The following FOXP1 variants were observed in gnomAD, a reference collection of about 807,000 sequenced individuals.
The protein encoded by FOXP1 is forkhead box P1.
Under a neutral mutation model 98.2 loss-of-function variants are expected in FOXP1, and 15 were observed. The observed-to-expected ratio is 0.15, with a 90% CI of 0.10 to 0.24. The LOEUF is 0.24. Among genes scored for constraint, FOXP1 ranks in the 10% least tolerant of loss-of-function variants. FOXP1 has a pLI of 1.00. For synonymous variants in FOXP1, 371 were observed against 314.5 expected (o/e 1.18, Z -1.90); for missense variants, 633 against 848.5 (o/e 0.75, Z 3.15).
chr3:71,546,723 A>G (rs529570952), intron 2 of FOXP1, among the ~76,000 whole-genome samples: 1 of 152,114 alleles, frequency 6.6e-6, no homozygotes, highest in East Asian at 1.9e-4. Flanking sequence ...CTCATTTCTA[A>G]GAGGCTCCTG....
intron 8 of FOXP1, 66 bp downstream of exon 8, chr3:71,053,570 G>C (rs202246470): frequency 2.5e-5 from 40 of 1,601,068 alleles, no homozygotes; most frequent in Non-Finnish European, 3.2e-5. Flanking sequence ...GGGAGATTGC[G>C]AATGGAGTGA....
At chr3:71,057,766 A>G (rs2050884696) in intron 7 of FOXP1, among the ~76,000 whole-genome samples, 1 of 152,194 alleles carries the variant, frequency 6.6e-6, no homozygotes, top group African/African-American at 2.4e-5. Flanking sequence ...CTGTTGACTG[A>G]TACCAACTGG....
At chr3:71,410,082 C>A (rs1288390322) in intron 3 of FOXP1, among the ~76,000 whole-genome samples, 1 of 152,174 alleles carries the variant, frequency 6.6e-6, no homozygotes, top group Non-Finnish European at 1.5e-5. Context: ...TATTTTACCT[C>A]TCTCAGTGTC....
chr3:71,136,180 C>T (rs1367266858), intron 6 of FOXP1, among the ~76,000 whole-genome samples: 2 of 152,194 alleles, frequency 1.3e-5, no homozygotes, highest in African/African-American at 2.4e-5. Flanking sequence ...AGGTTTAATT[C>T]AATTGGCAAT....
intron 6 of FOXP1, among the ~76,000 whole-genome samples, chr3:71,136,646 T>C (rs527974982): frequency 1.5e-3 from 232 of 152,354 alleles, no homozygotes; most frequent in African/African-American, 5.3e-3. Flanking sequence ...CTAATGCTTA[T>C]TTAATCCAGT....
chr3:71,395,040 C>T (rs1397524756), intron 3 of FOXP1, among the ~76,000 whole-genome samples: 3 of 133,424 alleles, frequency 2.2e-5, no homozygotes, highest in South Asian at 2.4e-4. Flanking sequence ...GCAGAGGTTG[C>T]GGTGAGCCAA....
chr3:71,294,192 G>C (rs991430435), intron 5 of FOXP1, among the ~76,000 whole-genome samples: 8 of 152,146 alleles, frequency 5.3e-5, no homozygotes, highest in Admixed American at 1.3e-4. Flanking sequence ...TGAACTAGAT[G>C]GTTGCAACTC....
chr3:71,330,494 G>A (rs569636482), intron 4 of FOXP1, among the ~76,000 whole-genome samples: 2 of 152,312 alleles, frequency 1.3e-5, no homozygotes, highest in South Asian at 4.1e-4. Context: ...AAATAAAGAA[G>A]TGGAAGTCAG....
At chr3:71,389,037 TTATCTC>T (rs2080820948) in intron 3 of FOXP1, among the ~76,000 whole-genome samples, 2 of 152,000 alleles carry the variant, frequency 1.3e-5, no homozygotes, top group Non-Finnish European at 2.9e-5. Flanking sequence ...CTCAGAATCT[TTATCTC>T]TATCATTAGA....
chr3:71,187,044 C>T (rs949210211), intron 6 of FOXP1, among the ~76,000 whole-genome samples: 1 of 152,234 alleles, frequency 6.6e-6, no homozygotes, highest in Non-Finnish European at 1.5e-5. Context: ...TACTAGGTGG[C>T]AGGCTGGATC....
intron 5 of FOXP1, among the ~76,000 whole-genome samples, chr3:71,229,042 A>G (rs2066073359): frequency 6.8e-6 from 1 of 147,594 alleles, no homozygotes; most frequent in Non-Finnish European, 1.5e-5. Flanking sequence ...ATAAAGGGGG[A>G]AAGTTGGCCT....
At position 70,958,417 on chromosome 3, in the gene FOXP1, A is replaced by T. The variant is rs944213365; in HGVS notation, c.*830T>A. 2 of 469,376 alleles carry T rather than the reference A, an allele frequency of 4.3e-6. No individual in the cohort carries two copies. The highest frequency in any genetic ancestry group is 8.3e-6 in the Non-Finnish European group (2 of 241,890). 29.1% of individuals were successfully genotyped at this position (469,376 alleles called of 1,614,324 possible). A position where few individuals can be genotyped will look rare whatever the true frequency, so the allele number is the denominator to read the frequency against. ...TTTGGGACCTTTTTGAAAAAGACCA[A>T]AACGGAATGTTTTCTGACTTTAGAG... On this transcript the variant is annotated 3_prime_UTR_variant, in exon 21 of 21. Coordinates refer to ENST00000649528, the MANE Select transcript of FOXP1 (RefSeq NM_001349338.3).
At chr3:71,054,626 T>G (rs1453285952) in intron 7 of FOXP1, among the ~76,000 whole-genome samples, 1 of 152,198 alleles carries the variant, frequency 6.6e-6, no homozygotes, top group South Asian at 2.1e-4. Context: ...CTTTCTAGAA[T>G]GTAATTTAGC....
intron 4 of FOXP1, among the ~76,000 whole-genome samples, chr3:71,329,184 A>T (rs1261663415): frequency 6.6e-6 from 1 of 151,586 alleles, no homozygotes; most frequent in East Asian, 1.9e-4. Context: ...CCCGTCACCC[A>T]CTGAGATAGC....
intron 3 of FOXP1, among the ~76,000 whole-genome samples, chr3:71,382,166 T>G (rs1009221276): frequency 6.6e-6 from 1 of 152,062 alleles, no homozygotes; most frequent in Non-Finnish European, 1.5e-5. Flanking sequence ...TCCCAGCTAC[T>G]TGGGAAGCGG....
chr3:71,379,389 G>C (rs1158879667), intron 3 of FOXP1, among the ~76,000 whole-genome samples: 2 of 152,080 alleles, frequency 1.3e-5, no homozygotes, highest in African/African-American at 4.8e-5. Context: ...AGTCTCATTT[G>C]GGTGCTGGTC....
intron 20 of FOXP1, among the ~76,000 whole-genome samples, chr3:70,963,726 G>A (rs985632035): frequency 2.0e-5 from 3 of 152,194 alleles, no homozygotes; most frequent in African/African-American, 7.2e-5. Context: ...TGTCTGCACA[G>A]CATGGAGTAT....
intron 12 of FOXP1, among the ~76,000 whole-genome samples, chr3:71,012,823 C>T (rs1428035709): frequency 6.6e-6 from 1 of 152,116 alleles, no homozygotes; most frequent in Non-Finnish European, 1.5e-5. Context: ...AGATGGTCCC[C>T]AACACCCAAT....
intron 7 of FOXP1, among the ~76,000 whole-genome samples, chr3:71,058,600 G>C (rs1431856059): frequency 6.9e-6 from 1 of 145,062 alleles, no homozygotes; most frequent in East Asian, 2.0e-4. Flanking sequence ...AAAAGAGAGA[G>C]AGGAGAAAAA....
Sources: gnomAD v4.1 joint callset for allele counts (sites outside exome capture counted in the v4.1 genomes callset) on GRCh38, gnomAD v4.1.1 for gene constraint, MANE v1.5 for transcripts, NCBI Gene and HGNC (gene_info 2026-07-23, HGNC 2026-07-21) for gene names.